Variants in UGGT2 observed in about 807,000 individuals in gnomAD.
The protein encoded by UGGT2 is UDP-glucose:glycoprotein glucosyltransferase 2.
In UGGT2, 180 loss-of-function variants were observed where a neutral mutation model predicts 192.1. The observed-to-expected ratio is 0.94, with a 90% CI of 0.83 to 1.06. The LOEUF (loss-of-function observed/expected upper bound fraction) is 1.06, where lower values mean the gene tolerates loss of function less well. Among genes scored for constraint, UGGT2 ranks in the 50% least tolerant of loss-of-function variants. The pLI is 0.00. For missense variants in UGGT2, 1,849 were observed against 1,795.7 expected (o/e 1.03, Z -0.54); for synonymous variants, 580 against 591.0 (o/e 0.98, Z 0.27).
chr13:96,017,989 G>A (rs1448028314), intron 4 of UGGT2, among the ~76,000 whole-genome samples: 3 of 152,130 alleles, frequency 2.0e-5, no homozygotes, highest in Non-Finnish European at 4.4e-5. Context: ...TAATGAAGTT[G>A]CAAACTAAAA....
intron 20 of UGGT2, among the ~76,000 whole-genome samples, chr13:95,906,695 A>T (rs1212077518): frequency 6.6e-6 from 1 of 152,238 alleles, no homozygotes; most frequent in East Asian, 1.9e-4. Context: ...GCAAAAGCTA[A>T]AATCTTGAAA....
At chr13:96,035,042 T>G (rs1269462976) in intron 1 of UGGT2, among the ~76,000 whole-genome samples, 1 of 152,180 alleles carries the variant, frequency 6.6e-6, no homozygotes, top group African/African-American at 2.4e-5. Context: ...CCTTATCCTG[T>G]GACAAAACTA....
intron 5 of UGGT2, among the ~76,000 whole-genome samples, chr13:96,012,492 G>A (rs1342718213): frequency 6.6e-6 from 1 of 151,852 alleles, no homozygotes; most frequent in East Asian, 1.9e-4. Flanking sequence ...GCGAAGTATG[G>A]AAGAAAATAT....
intron 12 of UGGT2, among the ~76,000 whole-genome samples, chr13:95,962,089 G>A (rs1344647376): frequency 1.3e-5 from 2 of 152,040 alleles, no homozygotes; most frequent in South Asian, 2.1e-4. Flanking sequence ...CAAAAGCAGT[G>A]CCAATAAAGA....
At chr13:95,924,189 A>T (rs1308582758) in intron 20 of UGGT2, among the ~76,000 whole-genome samples, 1 of 152,142 alleles carries the variant, frequency 6.6e-6, no homozygotes, top group Non-Finnish European at 1.5e-5. Flanking sequence ...CCTATAAGGA[A>T]TAAACAATTA....
At chr13:95,834,839 T>C (rs991655088) in intron 37 of UGGT2, among the ~76,000 whole-genome samples, 3 of 152,208 alleles carry the variant, frequency 2.0e-5, no homozygotes, top group Admixed American at 6.5e-5. Flanking sequence ...TCAAGATATA[T>C]GTTCTCCACA....
intron 36 of UGGT2, among the ~76,000 whole-genome samples, chr13:95,847,382 G>A (rs975318216): frequency 6.6e-6 from 1 of 152,138 alleles, no homozygotes; most frequent in Non-Finnish European, 1.5e-5. Context: ...TTGGACAACT[G>A]TATAATGACA....
At chr13:95,998,939 T>C (rs2051710483) in intron 6 of UGGT2, among the ~76,000 whole-genome samples, 1 of 152,164 alleles carries the variant, frequency 6.6e-6, no homozygotes, top group South Asian at 2.1e-4. Flanking sequence ...CTATCAATTG[T>C]TACATGGTGC....
intron 1 of UGGT2, among the ~76,000 whole-genome samples, chr13:96,044,811 C>A (rs1475002893): frequency 6.6e-6 from 1 of 152,036 alleles, no homozygotes; most frequent in African/African-American, 2.4e-5. Context: ...GAATTAGATA[C>A]CCTGAACAGA....
intron 17 of UGGT2, among the ~76,000 whole-genome samples, chr13:95,931,592 G>C (rs2049273231): frequency 6.6e-6 from 1 of 152,082 alleles, no homozygotes; most frequent in South Asian, 2.1e-4. Flanking sequence ...GCGGGCTGCG[G>C]GTCCCAAGCC....
intron 33 of UGGT2, among the ~76,000 whole-genome samples, chr13:95,857,249 C>T (rs1889702647): frequency 1.3e-5 from 2 of 151,946 alleles, no homozygotes; most frequent in African/African-American, 2.4e-5. Context: ...TAAAATAAAA[C>T]ATTCAGATAA....
chr13:96,052,754 C>A (rs981405527), intron 1 of UGGT2, among the ~76,000 whole-genome samples: 3 of 152,218 alleles, frequency 2.0e-5, no homozygotes, highest in Non-Finnish European at 4.4e-5. Flanking sequence ...AAGCTGCCCT[C>A]CCCATAGTAA....
intron 27 of UGGT2, among the ~76,000 whole-genome samples, chr13:95,882,964 GA>G (rs1168210131): frequency 1.3e-5 from 2 of 151,832 alleles, no homozygotes; most frequent in Non-Finnish European, 2.9e-5. Context: ...AAAAAACAGC[GA>G]TTTTTTTTTT....
chr13:95,877,363 C>A lies in UGGT2; in HGVS notation c.3389G>T (p.Gly1130Val), dbSNP rs1009573311. 1 of 1,600,870 alleles carries A rather than the reference C, an allele frequency of 6.2e-7. No individual in the cohort carries two copies. Among genetic ancestry groups the A allele is most frequent in the Admixed American group, 1.7e-5 (1 of 57,814 alleles). The stretch of plus-strand genomic sequence containing the variant: ...TGGGTTTGCTTTTAATTGAAAATAC[C>A]CCTTTTAAGATGAGAAAAAAATAAT... ...VVDTIVMAHH[G>V]YFQLKANPGA... Residue 1130 changes from glycine (G) to valine (V), a missense_variant and splice_region_variant, in exon 29 of 39, where the codon GGG becomes GTG. Transcript: ENST00000376747.
At chr13:95,933,671 TA>T (rs2049363797) in intron 17 of UGGT2, among the ~76,000 whole-genome samples, 1 of 131,134 alleles carries the variant, frequency 7.6e-6, no homozygotes, top group Non-Finnish European at 1.8e-5. Flanking sequence ...GAGATAGTTC[TA>T]AATTTTTTTG....
chr13:95,823,952 G>A (rs1212170081), intron 38 of UGGT2, among the ~76,000 whole-genome samples: 1 of 152,000 alleles, frequency 6.6e-6, no homozygotes, highest in Non-Finnish European at 1.5e-5. Context: ...ATTTCCTATA[G>A]TGCTGGTTTG....
intron 38 of UGGT2, among the ~76,000 whole-genome samples, chr13:95,818,756 A>T (rs1215187826): frequency 1.3e-5 from 2 of 152,110 alleles, no homozygotes; most frequent in Non-Finnish European, 2.9e-5. Context: ...GAGGGGGAAG[A>T]TCTCACAAAA....
rs1000426581 is a variant in UGGT2 at position 95,927,195 on chromosome 13, A to C, written c.2101+18T>G. 2 of 1,609,488 alleles carry C rather than the reference A, an allele frequency of 1.2e-6. No individual in the cohort carries two copies. Among genetic ancestry groups the C allele is most frequent in the Admixed American group, 1.7e-5 (1 of 58,990 alleles). On this transcript the variant is annotated intron_variant, in intron 18 of 38. Transcript: ENST00000376747. ...ACAACTCAATAAACATTTGTAGAAC[A>C]GTATAGGATTATTTTACCTGATGTA...
intron 22 of UGGT2, 21 bp downstream of exon 22, chr13:95,900,786 G>C (rs753834299): frequency 6.3e-7 from 1 of 1,597,760 alleles, no homozygotes; most frequent in Non-Finnish European, 8.5e-7. Flanking sequence ...AGAAAAGAGA[G>C]CAATAGCTTT....
Sources: gnomAD v4.1 joint callset for allele counts (sites outside exome capture counted in the v4.1 genomes callset) on GRCh38, gnomAD v4.1.1 for gene constraint, MANE v1.5 for transcripts, NCBI Gene and HGNC (gene_info 2026-07-23, HGNC 2026-07-21) for gene names.